KAT2B: variants seen among roughly 807,000 people sequenced by gnomAD.
KAT2B encodes the protein lysine acetyltransferase 2B.
KAT2B carries 36 observed loss-of-function variants against 105.9 expected under a neutral mutation model. The observed-to-expected ratio is 0.34, with a 90% CI of 0.26 to 0.45. The LOEUF (loss-of-function observed/expected upper bound fraction) is 0.45. KAT2B is among the 20% of genes least tolerant of loss of function. The probability of loss-of-function intolerance (pLI) is 1.00; values close to 1 mark genes in which losing one functional copy is unlikely to be tolerated. For synonymous variants in KAT2B, 397 were observed against 377.9 expected (o/e 1.05, Z -0.59); for missense variants, 820 against 1,021.6 (o/e 0.80, Z 2.69).
rs1253516102 is a variant in KAT2B at position 20,125,985 on chromosome 3, G to A, written c.1494G>A (p.Val498=). The A allele has an allele frequency of 1.2e-6, 2 of 1,613,940 alleles. No homozygotes were observed. Among genetic ancestry groups the A allele is most frequent in the Non-Finnish European group, 1.7e-6 (2 of 1,180,002 alleles). ...GCAGGGGTGTAATTGAATTTCACGTGGTTGGCAATTCCCTCAACCAGAAAC... is the reference window on the plus strand; with the variant it reads ...GCAGGGGTGTAATTGAATTTCACGTAGTTGGCAATTCCCTCAACCAGAAAC... ...EERRGVIEFH[V]VGNSLNQKPN... Residue 498 remains valine (V), a synonymous_variant, in exon 10 of 18, where the codon GTG becomes GTA. Coordinates refer to ENST00000263754, the MANE Select transcript of KAT2B (RefSeq NM_003884.5).
At chr3:20,091,272 A>T (rs1013033053) in intron 2 of KAT2B, among the ~76,000 whole-genome samples, 1 of 152,026 alleles carries the variant, frequency 6.6e-6, no homozygotes, top group Non-Finnish European at 1.5e-5. Context: ...TTTCTTTTAG[A>T]TTATCCAATT....
intron 2 of KAT2B, among the ~76,000 whole-genome samples, chr3:20,092,035 G>A (rs1430965977): frequency 2.0e-5 from 3 of 152,160 alleles, no homozygotes; most frequent in East Asian, 3.9e-4. Context: ...TGAGAAGAAT[G>A]TGTATTCTAC....
intron 11 of KAT2B, among the ~76,000 whole-genome samples, chr3:20,132,094 G>C (rs1229297076): frequency 6.6e-6 from 1 of 152,166 alleles, no homozygotes; most frequent in Non-Finnish European, 1.5e-5. Context: ...AACAATTTGG[G>C]CCAGGCGTGG....
At chr3:20,046,163 G>T (rs919587404) in intron 1 of KAT2B, among the ~76,000 whole-genome samples, 1 of 152,220 alleles carries the variant, frequency 6.6e-6, no homozygotes, top group Non-Finnish European at 1.5e-5. Flanking sequence ...ATTGCCTGGT[G>T]CTTTACTCGT....
At chr3:20,120,566 A>G (rs1409489070) in intron 8 of KAT2B, among the ~76,000 whole-genome samples, 2 of 152,138 alleles carry the variant, frequency 1.3e-5, no homozygotes, top group African/African-American at 4.8e-5. Flanking sequence ...CAAGTCACGT[A>G]GTTGAACTCA....
chr3:20,046,987 A>T (rs766400627), intron 1 of KAT2B, among the ~76,000 whole-genome samples: 6 of 152,172 alleles, frequency 3.9e-5, no homozygotes, highest in South Asian at 2.1e-4. Flanking sequence ...CCAAAATATT[A>T]ATAGAATTAA....
At chr3:20,067,073 C>T (rs1026967894) in intron 1 of KAT2B, among the ~76,000 whole-genome samples, 2 of 152,148 alleles carry the variant, frequency 1.3e-5, no homozygotes, top group African/African-American at 4.8e-5. Context: ...TTGTCTCCCT[C>T]TCTTCATTCC....
intron 8 of KAT2B, among the ~76,000 whole-genome samples, chr3:20,120,724 G>T (rs7617840): frequency 0.45 from 67,997 of 151,950 alleles, 15,407 homozygotes; most frequent in African/African-American, 0.5. Context: ...TATCTCTTGA[G>T]CCTAGAAGCA....
chr3:20,048,515 A>G (rs1697855500), intron 1 of KAT2B, among the ~76,000 whole-genome samples: 1 of 152,204 alleles, frequency 6.6e-6, no homozygotes, highest in East Asian at 1.9e-4. Flanking sequence ...GTTGTTAAGT[A>G]AATCCATAGG....
At chr3:20,146,536 C>T in intron 14 of KAT2B, 106 bp downstream of exon 14, 1 of 666,876 alleles carries the variant, frequency 1.5e-6, no homozygotes, top group Non-Finnish European at 2.7e-6. Context: ...ATTGCCCTGC[C>T]CGTCTCTGTG....
intron 4 of KAT2B, 97 bp downstream of exon 4, chr3:20,100,051 T>G: frequency 1.5e-6 from 1 of 671,462 alleles, no homozygotes; most frequent in East Asian, 2.7e-5. Flanking sequence ...CCCTCCTCCA[T>G]ACCCAGGTTA....
intron 2 of KAT2B, among the ~76,000 whole-genome samples, chr3:20,082,607 G>A (rs1698539537): frequency 6.6e-6 from 1 of 152,052 alleles, no homozygotes; most frequent in Non-Finnish European, 1.5e-5. Flanking sequence ...ATGGAGGAAT[G>A]TTTTAAATTT....
At chr3:20,065,480 G>A (rs1698207606) in intron 1 of KAT2B, among the ~76,000 whole-genome samples, 1 of 152,172 alleles carries the variant, frequency 6.6e-6, no homozygotes, top group Non-Finnish European at 1.5e-5. Flanking sequence ...GGAATGGGGA[G>A]ATGAAGGCCA....
chr3:20,125,913 T>C lies in KAT2B; in HGVS notation c.1422T>C (p.Phe474=). Residue 474 remains phenylalanine, a synonymous_variant, in exon 10 of 18, where the codon TTT becomes TTC. Transcript: ENST00000263754. ...TGTCTCTTGCATCTCAGACCAATTTTCTGTCAGCACACTCGGCCAGGGATG... is the reference window on the plus strand; with the variant it reads ...TGTCTCTTGCATCTCAGACCAATTTCCTGTCAGCACACTCGGCCAGGGATG... The part of the protein sequence containing the change: ...PAAMLGPETN[F]LSAHSARDEA... The C allele has an allele frequency of 1.2e-6, 2 of 1,613,588 alleles. No homozygotes were observed. The highest frequency in any genetic ancestry group is 8.5e-7 in the Non-Finnish European group (1 of 1,179,944).
intron 1 of KAT2B, among the ~76,000 whole-genome samples, chr3:20,070,179 G>A (rs966360556): frequency 6.6e-6 from 1 of 152,102 alleles, no homozygotes; most frequent in African/African-American, 2.4e-5. Context: ...TACAAAATGG[G>A]AAAAGCAGTC....
intron 6 of KAT2B, among the ~76,000 whole-genome samples, chr3:20,114,065 G>A (rs1575141696): frequency 7.6e-6 from 1 of 130,984 alleles, no homozygotes; most frequent in Non-Finnish European, 1.7e-5. Flanking sequence ...TTAGGTATCT[G>A]TATTTCTTTT....
In KAT2B at chr3:20,136,954, C is replaced by T. The variant is rs1217034246; in HGVS notation, c.1762C>T (p.His588Tyr). ...SNEQVKGYGT[H>Y]LMNHLKEYHI... is the part of the protein sequence containing the mutation. ...AACTTCCACACAGGGCTATGGAACA[C>T]ACCTGATGAATCATTTGAAAGAATA... The change falls in exon 12 of 18, where the codon CAC (histidine) becomes TAC (tyrosine). Residue 588 changes from histidine to tyrosine, a missense_variant. Coordinates refer to ENST00000263754, the MANE Select transcript of KAT2B (RefSeq NM_003884.5). 3.7e-6 allele frequency: 6 copies of T among 1,601,122 alleles called. No homozygotes were observed. The Admixed American group carries it at 5.0e-5, about 13-fold the overall frequency.
chr3:20,071,823 G>C (rs978118948), intron 1 of KAT2B, among the ~76,000 whole-genome samples: 10 of 152,180 alleles, frequency 6.6e-5, no homozygotes, highest in Admixed American at 2.0e-4. Flanking sequence ...CTGCAAGTGT[G>C]CCTTCAGCTG....
At chr3:20,057,747 G>A (rs1698025692) in intron 1 of KAT2B, among the ~76,000 whole-genome samples, 1 of 152,216 alleles carries the variant, frequency 6.6e-6, no homozygotes, top group Non-Finnish European at 1.5e-5. Flanking sequence ...TGCTCCTGGA[G>A]AGGTCACTCG....
Sources: gnomAD v4.1 joint callset for allele counts (sites outside exome capture counted in the v4.1 genomes callset) on GRCh38, gnomAD v4.1.1 for gene constraint, MANE v1.5 for transcripts, NCBI Gene and HGNC (gene_info 2026-07-23, HGNC 2026-07-21) for gene names.